The following SLC25A18 variants were observed in gnomAD, a reference collection of about 807,000 sequenced individuals.
SLC25A18 encodes the protein solute carrier family 25 member 18, also known as mitochondrial glutamate carrier 2.
Under a neutral mutation model 31.1 loss-of-function variants are expected in SLC25A18, and 24 were observed. The observed-to-expected ratio is 0.77, with a 90% CI of 0.56 to 1.08. The LOEUF is 1.08. SLC25A18 is among the 50% of genes least tolerant of loss of function. The pLI is 0.00. For synonymous variants in SLC25A18, 173 were observed against 161.9 expected (o/e 1.07, Z -0.52); for missense variants, 371 against 418.5 (o/e 0.89, Z 0.99).
At chr22:17,568,811 T>A (rs1385104173) in intron 1 of SLC25A18, among the ~76,000 whole-genome samples, 1 of 151,816 alleles carries the variant, frequency 6.6e-6, no homozygotes, top group Non-Finnish European at 1.5e-5. Flanking sequence ...TCCACCTGCT[T>A]CGGCCTCCCA....
intron 8 of SLC25A18, among the ~76,000 whole-genome samples, chr22:17,587,587 C>T (rs1400346750): frequency 2.6e-5 from 4 of 152,172 alleles, no homozygotes; most frequent in Admixed American, 6.6e-5. Flanking sequence ...TACAGAGGAC[C>T]GCAGAGTTCA....
chr22:17,581,230 C>A (rs1220666261), intron 4 of SLC25A18, 71 bp downstream of exon 4: 2 of 1,570,482 alleles, frequency 1.3e-6, no homozygotes, highest in African/African-American at 1.4e-5. Flanking sequence ...TCCCTCCAGT[C>A]TCCAGGCAGC....
At chr22:17,571,717 C>T (rs1030555100) in intron 2 of SLC25A18, among the ~76,000 whole-genome samples, 2 of 150,092 alleles carry the variant, frequency 1.3e-5, no homozygotes, top group African/African-American at 2.5e-5. Context: ...GTCACACCAC[C>T]GCACTCCAGC....
chr22:17,580,884 A>G, intron 3 of SLC25A18, 153 bp from the exon 4 acceptor site: 1 of 1,419,292 alleles, frequency 7.0e-7, no homozygotes, highest in South Asian at 1.6e-5. Context: ...TGTCTGGACC[A>G]GACCTGGGCC....
chr22:17,587,334 G>A (rs1437142918), intron 8 of SLC25A18, 33 bp downstream of exon 8: 1 of 1,587,290 alleles, frequency 6.3e-7, no homozygotes. Context: ...TAGGACAAGT[G>A]CACGGGGGAG....
chr22:17,573,095 A>T (rs959129088), intron 2 of SLC25A18, among the ~76,000 whole-genome samples: 3 of 152,200 alleles, frequency 2.0e-5, no homozygotes, highest in Non-Finnish European at 4.4e-5. Flanking sequence ...CCTGGGCAAC[A>T]GAGTGAGACC....
chr22:17,576,305 G>T (rs976311075), intron 2 of SLC25A18, among the ~76,000 whole-genome samples: 3 of 151,270 alleles, frequency 2.0e-5, no homozygotes, highest in Non-Finnish European at 4.4e-5. Context: ...AGTGAGCCAA[G>T]ATCGCACCAC....
intron 2 of SLC25A18, among the ~76,000 whole-genome samples, chr22:17,573,344 T>C (rs1365957906): frequency 1.3e-5 from 2 of 152,140 alleles, no homozygotes; most frequent in Non-Finnish European, 2.9e-5. Context: ...TTGACAGTGC[T>C]GCACCTCCTC....
At chr22:17,583,132 C>T (rs552191976) in intron 6 of SLC25A18, among the ~76,000 whole-genome samples, 1 of 152,340 alleles carries the variant, frequency 6.6e-6, no homozygotes, top group Non-Finnish European at 1.5e-5. Flanking sequence ...TCACATTGCC[C>T]AGTGATGTTC....
intron 1 of SLC25A18, among the ~76,000 whole-genome samples, chr22:17,564,899 C>T (rs1276419897): frequency 6.8e-6 from 1 of 147,150 alleles, no homozygotes; most frequent in African/African-American, 2.5e-5. Context: ...TGAGGCCCCA[C>T]CTCTACAAAA....
At chr22:17,567,428 CT>C (rs1266569564) in intron 1 of SLC25A18, among the ~76,000 whole-genome samples, 2 of 151,984 alleles carry the variant, frequency 1.3e-5, no homozygotes, top group African/African-American at 4.8e-5. Flanking sequence ...TCCCATTCCC[CT>C]TTTATGAAAA....
chr22:17,580,429 G>A, intron 3 of SLC25A18: 9 of 604,046 alleles, frequency 1.5e-5, no homozygotes, highest in Non-Finnish European at 1.9e-5. Context: ...GCAGGGTGGG[G>A]GGCCATGTTA....
chr22:17,586,890 G>T (rs1337341058), intron 7 of SLC25A18, among the ~76,000 whole-genome samples: 2 of 152,200 alleles, frequency 1.3e-5, no homozygotes, highest in Admixed American at 6.5e-5. Flanking sequence ...AGCGGGCCAG[G>T]CTGTGGCTGT....
intron 1 of SLC25A18, 101 bp from the exon 2 acceptor site, chr22:17,569,823 C>A: frequency 1.0e-6 from 1 of 985,370 alleles, no homozygotes; most frequent in Non-Finnish European, 1.2e-6. Context: ...GAGTCTGGAA[C>A]CCTGCAGTGG....
chr22:17,590,318 G>C lies in SLC25A18; in HGVS notation c.*82G>C. ...AGCCTAGAGGGGGCAAGGGCAGGTG[G>C]GGCCACTCTGGCCTGCCTGGTCCTC... On this transcript the variant is annotated 3_prime_UTR_variant, in exon 11 of 11. Coordinates refer to ENST00000327451, the MANE Select transcript of SLC25A18 (RefSeq NM_031481.3). The C allele has an allele frequency of 6.4e-7, 1 of 1,569,736 alleles. No homozygotes were observed. The highest frequency in any genetic ancestry group is 1.7e-5 in the Admixed American group (1 of 57,706).
At chr22:17,587,360 G>C (rs1392211238) in intron 8 of SLC25A18, 59 bp downstream of exon 8, 2 of 1,541,440 alleles carry the variant, frequency 1.3e-6, no homozygotes, top group Non-Finnish European at 1.7e-6. Flanking sequence ...GAGGGCCAGA[G>C]AGCTGGTTGT....
At chr22:17,587,834 C>T in intron 8 of SLC25A18, 91 bp from the exon 9 acceptor site, 1 of 1,537,624 alleles carries the variant, frequency 6.5e-7, no homozygotes, top group South Asian at 1.1e-5. Context: ...TCACTGTAAG[C>T]CCCACAGCTC....
chr22:17,570,561 C>T (rs1280330684), intron 2 of SLC25A18, among the ~76,000 whole-genome samples: 4 of 152,162 alleles, frequency 2.6e-5, no homozygotes, highest in East Asian at 1.9e-4. Context: ...GGCGGCTCAC[C>T]GCAACCTCCG....
rs867129847 is a variant in SLC25A18, at chr22:17,590,120, T to C, written c.832T>C (p.Ser278Pro). The C allele has an allele frequency of 1.9e-6, 3 of 1,614,234 alleles. No homozygotes were observed. Among genetic ancestry groups the C allele is most frequent in the African/African-American group, 2.7e-5 (2 of 75,066 alleles). The change falls in exon 11 of 11, where the codon TCT becomes CCT. Residue 278 changes from serine to proline, a missense_variant. By Grantham distance (74) the Ser-to-Pro change is moderately conservative. Transcript: ENST00000327451. ...ARKLWIQEGP[S>P]AFMKGAGCRA... ...GAAACTCTGGATTCAGGAGGGACCA[T>C]CTGCCTTCATGAAAGGCGCTGGCTG...
Sources: gnomAD v4.1 joint callset for allele counts (sites outside exome capture counted in the v4.1 genomes callset) on GRCh38, gnomAD v4.1.1 for gene constraint, MANE v1.5 for transcripts, NCBI Gene and HGNC (gene_info 2026-07-23, HGNC 2026-07-21) for gene names.